Variants in TLL1 observed in about 807,000 individuals in gnomAD.
The protein encoded by TLL1 is tolloid-like protein 1.
In TLL1, 49 loss-of-function variants were observed where a neutral mutation model predicts 128.2. The ratio of observed to expected loss-of-function variants is 0.38; its 90% CI spans 0.30 to 0.48. The LOEUF (loss-of-function observed/expected upper bound fraction) is 0.48. Among genes scored for constraint, TLL1 ranks in the 20% least tolerant of loss-of-function variants. The pLI, the probability that TLL1 is intolerant of heterozygous loss-of-function variation, is 0.96. For missense variants in TLL1, 1,123 were observed against 1,242.0 expected (o/e 0.90, Z 1.44); for synonymous variants, 454 against 418.8 (o/e 1.08, Z -1.03).
At chr4:165,978,983 T>C (rs1726081007) in intron 1 of TLL1, among the ~76,000 whole-genome samples, 1 of 152,244 alleles carries the variant, frequency 6.6e-6, no homozygotes, top group African/African-American at 2.4e-5. Flanking sequence ...TGATACTTTG[T>C]AACCTAGATC....
In TLL1 at chr4:165,873,888, T is replaced by C; in HGVS notation, c.-17T>C. 15 of 1,613,258 alleles carry C rather than the reference T, an allele frequency of 9.3e-6. No homozygotes were observed. Among genetic ancestry groups the C allele is most frequent in the Non-Finnish European group, 1.3e-5 (15 of 1,179,970 alleles). ...ACCTCTGGGTCCCGTCCCCTCCTTTTCCTCCGGGGGAGGAGGATGGGGTTG... is the reference window on the plus strand; with the variant it reads ...ACCTCTGGGTCCCGTCCCCTCCTTTCCCTCCGGGGGAGGAGGATGGGGTTG... On this transcript the variant is annotated 5_prime_UTR_variant, in exon 1 of 21. Transcript: ENST00000061240.
intron 1 of TLL1, among the ~76,000 whole-genome samples, chr4:165,948,757 T>C (rs190007633): frequency 6.2e-4 from 94 of 152,244 alleles, no homozygotes; most frequent in Non-Finnish European, 3.2e-4. Flanking sequence ...GCCACATTGG[T>C]GATTAAATTT....
intron 15 of TLL1, 75 bp from the exon 16 acceptor site, chr4:166,065,608 A>G: frequency 6.6e-7 from 1 of 1,515,086 alleles, no homozygotes; most frequent in Non-Finnish European, 9.1e-7. Context: ...GAAAAATAAG[A>G]TATGTTTTTT....
chr4:165,886,799 G>A (rs985213575), intron 1 of TLL1, among the ~76,000 whole-genome samples: 26 of 152,026 alleles, frequency 1.7e-4, no homozygotes, highest in Non-Finnish European at 4.4e-5. Flanking sequence ...TCCATCTGTA[G>A]TTGGTTGAAT....
intron 9 of TLL1, among the ~76,000 whole-genome samples, chr4:166,026,886 A>T (rs1738523378): frequency 6.6e-6 from 1 of 152,222 alleles, no homozygotes; most frequent in Non-Finnish European, 1.5e-5. Context: ...TAACTTAAAA[A>T]CAATGAGTAA....
chr4:166,054,549 A>G (rs1005059188), intron 12 of TLL1, among the ~76,000 whole-genome samples: 17 of 146,956 alleles, frequency 1.2e-4, no homozygotes, highest in East Asian at 6.3e-4. Context: ...ATATCTCCCA[A>G]TGCTATCCCT....
chr4:166,007,902 GTTAAAAGGC>G, intron 6 of TLL1, 32 bp from the exon 7 acceptor site: 1 of 1,354,472 alleles, frequency 7.4e-7, no homozygotes, highest in South Asian at 1.2e-5. Context: ...TTTTCTGTCA[GTTAAAAGGC>G]TTCTGAGATT....
intron 1 of TLL1, among the ~76,000 whole-genome samples, chr4:165,920,840 G>A (rs1376320858): frequency 6.6e-6 from 1 of 152,092 alleles, no homozygotes; most frequent in Non-Finnish European, 1.5e-5. Context: ...TTGAATAGGA[G>A]GGAAAGCAAA....
intron 18 of TLL1, among the ~76,000 whole-genome samples, chr4:166,080,945 C>T (rs1349849465): frequency 2.0e-5 from 3 of 152,026 alleles, no homozygotes; most frequent in Non-Finnish European, 4.4e-5. Flanking sequence ...TTACTTGGTG[C>T]TTGTTAGTCT....
rs1251904960 is a variant in TLL1, at chr4:166,063,462, A to G, written c.2008-2221A>G. On this transcript the variant is annotated intron_variant, in intron 15 of 20. Coordinates refer to ENST00000061240, the MANE Select transcript of TLL1 (RefSeq NM_012464.5). ...TCCTCAAGGATCTAGAACTAGAAAT[A>G]CCATTTGACCCAGCCACCCCATTAC... Among the ~76,000 whole-genome samples, 4 of 152,266 alleles carry G rather than the reference A, an allele frequency of 2.6e-5. No individual in the cohort carries two copies. The South Asian group carries it at 6.2e-4, about 24-fold the overall frequency.
rs115170971 is a variant in TLL1, at chr4:165,931,208, C to T, written c.169+57135C>T. On this transcript the variant is annotated intron_variant, in intron 1 of 20. Coordinates refer to ENST00000061240, the MANE Select transcript of TLL1 (RefSeq NM_012464.5). Reference sequence around the variant, plus strand: ...ATTGAGATCATAAAGCCAAGGCATTCGACTATATTCCATAATTAAAGCATT... The same window carrying T: ...ATTGAGATCATAAAGCCAAGGCATTTGACTATATTCCATAATTAAAGCATT... 5.9e-3 allele frequency among the ~76,000 whole-genome samples: 895 copies of T among 152,120 alleles called. 8 individuals are homozygous for T. Among genetic ancestry groups the T allele is most frequent in the African/African-American group, 0.02 (828 of 41,494 alleles).
chr4:165,905,341 T>C (rs79552346), intron 1 of TLL1, among the ~76,000 whole-genome samples: 6,836 of 152,286 alleles, frequency 0.045, 498 homozygotes, highest in African/African-American at 0.15. Flanking sequence ...ATGTACATGT[T>C]AGAACGTGGA....
chr4:166,096,925 A>C (rs1302313966), intron 19 of TLL1, among the ~76,000 whole-genome samples: 1 of 152,080 alleles, frequency 6.6e-6, no homozygotes, highest in Non-Finnish European at 1.5e-5. Flanking sequence ...CTGGTTTTTC[A>C]TTTCATACCT....
In TLL1 at chr4:166,060,059, C is replaced by T. The variant is rs114032464; in HGVS notation, c.1878C>T (p.Asn626=). Residue 626 remains asparagine (N), a synonymous_variant, in exon 15 of 21, where the codon AAC becomes AAT. Transcript: ENST00000061240. Reference sequence around the variant, plus strand: ...GTGGTGGACTTCTTACCAAACTTAACGGCACCATAACCACCCCTGGCTGGC... The same window carrying T: ...GTGGTGGACTTCTTACCAAACTTAATGGCACCATAACCACCCCTGGCTGGC... The part of the protein sequence containing the change: ...AACGGLLTKL[N]GTITTPGWPK... 3.5e-4 allele frequency: 566 copies of T among 1,613,660 alleles called. No homozygotes were observed. The East Asian group carries it at 4.6e-3, about 13-fold the overall frequency.
At chr4:165,930,632 C>T (rs1463888121) in intron 1 of TLL1, among the ~76,000 whole-genome samples, 1 of 152,136 alleles carries the variant, frequency 6.6e-6, no homozygotes, top group Non-Finnish European at 1.5e-5. Flanking sequence ...TTTACTGACT[C>T]CTGCATTAAC....
At chr4:166,089,189 C>G (rs1278330863) in intron 18 of TLL1, among the ~76,000 whole-genome samples, 1 of 152,058 alleles carries the variant, frequency 6.6e-6, no homozygotes, top group Non-Finnish European at 1.5e-5. Flanking sequence ...CTTGAAATAA[C>G]ATTATATTTA....
At chr4:165,877,677 G>A (rs891393439) in intron 1 of TLL1, among the ~76,000 whole-genome samples, 11 of 152,072 alleles carry the variant, frequency 7.2e-5, no homozygotes, top group African/African-American at 2.7e-4. Context: ...CTGATGAACT[G>A]CGTATTAACA....
chr4:165,948,841 G>A (rs564683766), intron 1 of TLL1, among the ~76,000 whole-genome samples: 2 of 152,038 alleles, frequency 1.3e-5, no homozygotes, highest in South Asian at 4.1e-4. Context: ...AAGTATGAAG[G>A]TATTTTGCAT....
chr4:166,010,050 G>T (rs1304755125), intron 7 of TLL1, among the ~76,000 whole-genome samples: 1 of 151,110 alleles, frequency 6.6e-6, no homozygotes, highest in Non-Finnish European at 1.5e-5. Flanking sequence ...TTTTGATATT[G>T]TATATAACTG....
Sources: gnomAD v4.1 joint callset for allele counts (sites outside exome capture counted in the v4.1 genomes callset) on GRCh38, gnomAD v4.1.1 for gene constraint, MANE v1.5 for transcripts, NCBI Gene and HGNC (gene_info 2026-07-23, HGNC 2026-07-21) for gene names.